The following BRSK2 variants were observed in gnomAD, a reference collection of about 807,000 sequenced individuals.
The protein encoded by BRSK2 is serine/threonine-protein kinase BRSK2.
In BRSK2, 19 loss-of-function variants were observed where a neutral mutation model predicts 83.3. That is an observed-to-expected ratio of 0.23 (90% confidence interval 0.16 to 0.33). The LOEUF (loss-of-function observed/expected upper bound fraction) is 0.33, where lower values mean the gene tolerates loss of function less well. Among genes scored for constraint, BRSK2 ranks in the 10% least tolerant of loss-of-function variants. The probability of loss-of-function intolerance (pLI) is 1.00; values close to 1 mark genes in which losing one functional copy is unlikely to be tolerated. For missense variants in BRSK2, 798 were observed against 1,042.3 expected (o/e 0.77, Z 3.23); for synonymous variants, 519 against 435.4 (o/e 1.19, Z -2.39).
intron 1 of BRSK2, among the ~76,000 whole-genome samples, chr11:1,424,593 C>T (rs943077995): frequency 9.8e-5 from 15 of 152,322 alleles, no homozygotes; most frequent in Admixed American, 6.5e-4. Flanking sequence ...CTTTGTGCCC[C>T]GGCAGGACGG....
intron 1 of BRSK2, among the ~76,000 whole-genome samples, chr11:1,422,987 C>A (rs1848779738): frequency 6.6e-6 from 1 of 152,186 alleles, no homozygotes; most frequent in Non-Finnish European, 1.5e-5. Flanking sequence ...TGTGTCCCCT[C>A]CTGGGAAAGG....
chr11:1,411,079 G>T, intron 1 of BRSK2: 1 of 1,146,888 alleles, frequency 8.7e-7, no homozygotes. Flanking sequence ...AGGAGGAGGG[G>T]GCGGGCTTTG....
chr11:1,444,858 A>C (rs1197065072), intron 8 of BRSK2, 113 bp from the exon 9 acceptor site: 131 of 871,700 alleles, frequency 1.5e-4, no homozygotes, highest in African/African-American at 5.5e-4. Flanking sequence ...ACTTGCCCTC[A>C]CCCTCTCCTG....
rs772013439 is a variant in BRSK2, at chr11:1,440,882, C to T, written c.367C>T (p.Arg123Trp). The change falls in exon 4 of 20, where the codon CGG (arginine) becomes TGG (tryptophan). Residue 123 changes from arginine to tryptophan, a missense_variant. Physicochemically the swap from Arg to Trp is moderately radical, Grantham distance 101. Coordinates refer to ENST00000528841, the MANE Select transcript of BRSK2 (RefSeq NM_001256627.2). Reference sequence around the variant, plus strand: ...GCCTAAGGAGGCTCGGAAGTTCTTCCGGCAGATCATCTCTGCGCTGGACTT... The same window carrying T: ...GCCTAAGGAGGCTCGGAAGTTCTTCTGGCAGATCATCTCTGCGCTGGACTT... ...LTPKEARKFF[R>W]QIISALDFCH... 5 of 1,609,404 alleles carry T rather than the reference C, an allele frequency of 3.1e-6. No individual in the cohort carries two copies. Among genetic ancestry groups the T allele is most frequent in the Non-Finnish European group, 3.4e-6 (4 of 1,178,492 alleles).
At position 1,445,862 on chromosome 11, in the gene BRSK2, C is replaced by T. The variant is rs767305413; in HGVS notation, c.1181C>T (p.Pro394Leu). The T allele has an allele frequency of 7.4e-6, 12 of 1,612,008 alleles. No homozygotes were observed. The highest frequency in any genetic ancestry group is 1.7e-5 in the Admixed American group (1 of 59,982). Reference sequence around the variant, plus strand: ...CTCAGCGTGACGGACGGCGGCTCCCCGGTGCCTGCGCGGCGGGCCATTGAG... The same window carrying T: ...CTCAGCGTGACGGACGGCGGCTCCCTGGTGCCTGCGCGGCGGGCCATTGAG... Reference protein sequence around the residue: ...EVLSVTDGGSPVPARRAIEMA... With the variant: ...EVLSVTDGGSLVPARRAIEMA... Residue 394 changes from proline (P) to leucine (L), a missense_variant, in exon 12 of 20, where the codon CCG becomes CTG. This residue lies in a region of BRSK2 where 51 missense variants were observed against 52.6 expected (regional missense o/e 0.97). Coordinates refer to ENST00000528841, the MANE Select transcript of BRSK2 (RefSeq NM_001256627.2).
At chr11:1,445,197 A>T in intron 9 of BRSK2, 97 bp from the exon 10 acceptor site, 1 of 1,502,822 alleles carries the variant, frequency 6.7e-7, no homozygotes, top group Non-Finnish European at 9.0e-7. Flanking sequence ...GGAGAGTGGC[A>T]GGATGAAGGG....
intron 18 of BRSK2, among the ~76,000 whole-genome samples, chr11:1,457,685 G>A (rs1388906357): frequency 1.3e-5 from 2 of 152,158 alleles, no homozygotes; most frequent in Non-Finnish European, 2.9e-5. Flanking sequence ...CAGCAGCTCC[G>A]TGGCATGCTA....
At chr11:1,415,661 A>G (rs1848022935) in intron 1 of BRSK2, among the ~76,000 whole-genome samples, 1 of 152,220 alleles carries the variant, frequency 6.6e-6, no homozygotes, top group South Asian at 2.1e-4. Flanking sequence ...CCTGCTGGAT[A>G]GCTGGCACCC....
intron 12 of BRSK2, among the ~76,000 whole-genome samples, chr11:1,447,217 C>T (rs1352100510): frequency 6.6e-6 from 1 of 152,176 alleles, no homozygotes; most frequent in Non-Finnish European, 1.5e-5. Context: ...ACTGTCCTGA[C>T]CTTCAGTGGC....
At chr11:1,394,781 G>A (rs1159731892) in intron 1 of BRSK2, among the ~76,000 whole-genome samples, 7 of 93,362 alleles carry the variant, frequency 7.5e-5, no homozygotes, top group Non-Finnish European at 1.6e-4. Flanking sequence ...ATGGGCCATG[G>A]AGATGGGTCC....
chr11:1,402,720 GC>G (rs1846568178), intron 1 of BRSK2, among the ~76,000 whole-genome samples: 2 of 152,310 alleles, frequency 1.3e-5, no homozygotes, highest in South Asian at 4.1e-4. Flanking sequence ...GGCCACTGAG[GC>G]CCACAGCCCC....
At chr11:1,403,177 C>T (rs1224130291) in intron 1 of BRSK2, among the ~76,000 whole-genome samples, 1 of 152,120 alleles carries the variant, frequency 6.6e-6, no homozygotes, top group Non-Finnish European at 1.5e-5. Flanking sequence ...GGGTCTGTGT[C>T]ACGCTACCCT....
intron 1 of BRSK2, chr11:1,411,122 G>T (rs1191467341): frequency 8.3e-7 from 1 of 1,204,490 alleles, no homozygotes; most frequent in Non-Finnish European, 1.0e-6. Context: ...GACCAGCTGG[G>T]GATCCTCAGG....
chr11:1,406,624 A>G (rs538716533), intron 1 of BRSK2, among the ~76,000 whole-genome samples: 2 of 152,326 alleles, frequency 1.3e-5, no homozygotes, highest in Middle Eastern at 3.4e-3. Flanking sequence ...AGCAAGCCCC[A>G]GGCTCTCAGG....
intron 1 of BRSK2, among the ~76,000 whole-genome samples, chr11:1,433,959 C>T (rs1264550440): frequency 6.6e-6 from 1 of 152,218 alleles, no homozygotes; most frequent in African/African-American, 2.4e-5. Flanking sequence ...CAGATCCAGG[C>T]GTGACGCCAC....
chr11:1,455,837 C>T (rs1016844715), intron 16 of BRSK2, among the ~76,000 whole-genome samples: 4 of 152,104 alleles, frequency 2.6e-5, no homozygotes, highest in African/African-American at 9.7e-5. Flanking sequence ...CTGCAGCTGC[C>T]CCCTCGGTAC....
intron 2 of BRSK2, among the ~76,000 whole-genome samples, chr11:1,437,964 G>A (rs779542379): frequency 6.6e-6 from 1 of 152,110 alleles, no homozygotes; most frequent in Non-Finnish European, 1.5e-5. Flanking sequence ...TCCCTCCACT[G>A]AGGCCCCTGC....
In BRSK2 at chr11:1,422,237, C is replaced by T. The variant is rs531360054; in HGVS notation, c.92-13803C>T. On this transcript the variant is annotated intron_variant, in intron 1 of 19. Transcript: ENST00000528841. ...GGGGCGGGGGCTGGCCAGGCCTCAT[C>T]GCAGCTCACAGCCCCCAGCCCCCTC... 3.1e-3 allele frequency among the ~76,000 whole-genome samples: 465 copies of T among 152,218 alleles called. 2 individuals carry two copies. Among genetic ancestry groups the T allele is most frequent in the Middle Eastern group, 0.01 (3 of 294 alleles).
intron 1 of BRSK2, among the ~76,000 whole-genome samples, chr11:1,414,308 G>T (rs894538048): frequency 9.2e-5 from 14 of 152,218 alleles, no homozygotes; most frequent in African/African-American, 7.2e-5. Context: ...GTGTCTCCAT[G>T]CCCCTGTGGC....
Sources: allele counts gnomAD v4.1 joint callset (sites outside exome capture counted in the v4.1 genomes callset), GRCh38; gene constraint gnomAD v4.1.1; regional missense constraint gnomAD v4.1.1; transcripts MANE v1.5; gene names NCBI Gene and HGNC (gene_info 2026-07-23, HGNC 2026-07-21).